GLB1L2: variants seen among roughly 807,000 people sequenced by gnomAD.
GLB1L2 encodes galactosidase beta 1 like 2, also known as beta-galactosidase-1-like protein 2.
Under a neutral mutation model 84.1 loss-of-function variants are expected in GLB1L2, and 68 were observed. The observed-to-expected ratio is 0.81, with a 90% CI of 0.67 to 0.99. The LOEUF (loss-of-function observed/expected upper bound fraction) is 0.99, where lower values mean the gene tolerates loss of function less well. Ranked by LOEUF, GLB1L2 falls within the 50% of genes least tolerant of loss-of-function variation. GLB1L2 has a pLI of 0.00. For missense variants in GLB1L2, 762 were observed against 805.6 expected, an observed-to-expected ratio of 0.95 and a Z score of 0.66; for synonymous variants, 290 against 318.0, an observed-to-expected ratio of 0.91 and a Z score of 0.94.
intron 4 of GLB1L2, chr11:134,346,578 C>G (rs1003958727): frequency 6.6e-6 from 1 of 152,360 alleles, no homozygotes; most frequent in African/African-American, 2.4e-5. Flanking sequence ...CTCTCCTCAC[C>G]CCTTGTTTGA....
intron 8 of GLB1L2, chr11:134,367,016 A>G (rs1479798959): frequency 5.4e-6 from 3 of 556,122 alleles, no homozygotes; most frequent in African/African-American, 3.8e-5. Flanking sequence ...AGGGTTTGCC[A>G]TATCGACTTT....
chr11:134,355,288 A>C (rs561595823), intron 5 of GLB1L2, among the ~76,000 whole-genome samples: 1 of 152,142 alleles, frequency 6.6e-6, no homozygotes, highest in Non-Finnish European at 1.5e-5. Context: ...CAGCTGTTAT[A>C]GATCTTGCTC....
Position 134,364,522 on chromosome 11 carries a change from GC to G in GLB1L2, c.804+130del, listed in dbSNP as rs199672296. ...CTGGACTCAGGGCTGATGGCCTCTG[GC>G]CCCCCGCCCATGCCACTGTGTGCCT... On this transcript the variant is annotated intron_variant, in intron 8 of 18. Transcript: ENST00000535456. 1.7e-3 allele frequency: 1,246 copies of G among 747,896 alleles called. 16 individuals carry two copies. The African/African-American group carries it at 0.017, about 10-fold the overall frequency. The allele number at this position is 747,896 out of a possible 1,614,324, so 46.3% of individuals were successfully genotyped here.
chr11:134,356,107 T>G, intron 5 of GLB1L2, 194 bp from the exon 6 acceptor site: 1 of 693,606 alleles, frequency 1.4e-6, no homozygotes, highest in Non-Finnish European at 2.6e-6. Context: ...TTAGTCAGTC[T>G]GGAGTTGTTT....
intron 13 of GLB1L2, 51 bp from the exon 14 acceptor site, chr11:134,371,370 C>A: frequency 7.8e-7 from 1 of 1,282,626 alleles, no homozygotes; most frequent in Non-Finnish European, 1.1e-6. Context: ...GGAGGTCCCG[C>A]TTACCCTCCT....
At chr11:134,341,639 G>T (rs1339374765) in intron 1 of GLB1L2, among the ~76,000 whole-genome samples, 1 of 152,242 alleles carries the variant, frequency 6.6e-6, no homozygotes, top group African/African-American at 2.4e-5. Context: ...GCTTCGGTGT[G>T]AGTTCTAAGG....
At chr11:134,371,858 A>G (rs376413458) in intron 15 of GLB1L2, 28 bp downstream of exon 15, 28 of 1,604,034 alleles carry the variant, frequency 1.7e-5, no homozygotes, top group Non-Finnish European at 2.2e-5. Flanking sequence ...TCAAAAGAAG[A>G]GTGGCCATGC....
At chr11:134,341,325 G>A (rs1206740700) in intron 1 of GLB1L2, among the ~76,000 whole-genome samples, 1 of 152,180 alleles carries the variant, frequency 6.6e-6, no homozygotes, top group African/African-American at 2.4e-5. Flanking sequence ...AGAGGCATTA[G>A]ACTCGTTTTA....
chr11:134,364,441 G>A (rs764607442), intron 8 of GLB1L2, 43 bp downstream of exon 8: 36 of 1,486,428 alleles, frequency 2.4e-5, no homozygotes, highest in East Asian at 6.8e-5. Context: ...CCTGCTCAGC[G>A]GCCTATGGGA....
chr11:134,345,877 C>T (rs1043240278), intron 4 of GLB1L2, among the ~76,000 whole-genome samples: 7 of 152,330 alleles, frequency 4.6e-5, no homozygotes, highest in Admixed American at 2.0e-4. Context: ...CTTCCTATCT[C>T]GGCCCACGTG....
chr11:134,361,680 T>G lies in GLB1L2; in HGVS notation c.733+2539T>G, dbSNP rs1350871649. 4 of 152,478 alleles carry G rather than the reference T, an allele frequency of 2.6e-5. No individual in the cohort carries two copies. In the East Asian group the frequency reaches 7.7e-4, roughly 29 times the overall value. The allele number at this position is 152,478 out of a possible 1,614,324, so 9.4% of individuals were successfully genotyped here. A position where few individuals can be genotyped will look rare whatever the true frequency, so the allele number is the denominator to read the frequency against. On this transcript the variant is annotated intron_variant, in intron 7 of 18. Transcript: ENST00000535456. ...TGTCGATGGTGTTCCTCAGGTCCTG[T>G]GCCTGTCCGGTTCTGCCTGGGTCTG...
In GLB1L2 at chr11:134,367,248, G is replaced by T; in HGVS notation, c.805-9G>T. Reference sequence around the variant, plus strand: ...CCTGCTTGTCTAACTCTCATTTTGTGGTGTCCAGGGGACTCAGCCCAAGAT... The same window carrying T: ...CCTGCTTGTCTAACTCTCATTTTGTTGTGTCCAGGGGACTCAGCCCAAGAT... On this transcript the variant is annotated splice_polypyrimidine_tract_variant and intron_variant, in intron 8 of 18. Coordinates refer to ENST00000535456, the MANE Select transcript of GLB1L2 (RefSeq NM_001370461.1). 6.2e-7 allele frequency: 1 copy of T among 1,612,500 alleles called. No individual in the cohort carries two copies. The highest frequency in any genetic ancestry group is 8.5e-7 in the Non-Finnish European group (1 of 1,178,618).
Position 134,375,415 on chromosome 11 carries a change from T to C in GLB1L2, c.*357T>C. The C allele has an allele frequency of 4.4e-6, 1 of 225,428 alleles. No individual in the cohort carries two copies. The highest frequency in any genetic ancestry group is 8.7e-5 in the South Asian group (1 of 11,474). 14.0% of individuals were successfully genotyped at this position (225,428 alleles called of 1,614,324 possible). ...TGGACGTCACAGCCCTGCGAGCATCTGCTGGACTCAGGCGTGCTCTTTGCT... is the reference window on the plus strand; with the variant it reads ...TGGACGTCACAGCCCTGCGAGCATCCGCTGGACTCAGGCGTGCTCTTTGCT... On this transcript the variant is annotated 3_prime_UTR_variant, in exon 19 of 19. Coordinates refer to ENST00000535456, the MANE Select transcript of GLB1L2 (RefSeq NM_001370461.1).
At chr11:134,345,205 C>T in intron 4 of GLB1L2, 76 bp downstream of exon 4, 1 of 1,263,784 alleles carries the variant, frequency 7.9e-7, no homozygotes, top group Non-Finnish European at 1.0e-6. Context: ...TTTCTGTGTT[C>T]CAGTTCCCAT....
intron 2 of GLB1L2, among the ~76,000 whole-genome samples, chr11:134,343,844 A>G (rs1943506117): frequency 6.6e-6 from 1 of 152,226 alleles, no homozygotes; most frequent in African/African-American, 2.4e-5. Context: ...TGTAGTGGGC[A>G]GAGGCTCTGC....
intron 1 of GLB1L2, among the ~76,000 whole-genome samples, chr11:134,337,919 G>A (rs752304751): frequency 2.0e-5 from 3 of 152,172 alleles, no homozygotes; most frequent in African/African-American, 4.8e-5. Flanking sequence ...GTAAGCTATC[G>A]TCTCAGATGA....
At chr11:134,349,880 T>A (rs1317873857) in intron 5 of GLB1L2, among the ~76,000 whole-genome samples, 1 of 152,232 alleles carries the variant, frequency 6.6e-6, no homozygotes, top group South Asian at 2.1e-4. Flanking sequence ...AGGCAGCAGG[T>A]TCCCTTTTGG....
intron 6 of GLB1L2, 140 bp from the exon 7 acceptor site, chr11:134,358,920 T>C: frequency 1.7e-6 from 1 of 596,452 alleles, no homozygotes; most frequent in South Asian, 2.5e-5. Flanking sequence ...CAGGAGACTT[T>C]TCTGTTTTTG....
chr11:134,348,546 T>C (rs536948793), intron 5 of GLB1L2, among the ~76,000 whole-genome samples: 1 of 152,312 alleles, frequency 6.6e-6, no homozygotes, highest in Non-Finnish European at 1.5e-5. Flanking sequence ...TAATTATTAT[T>C]ATTTAACATA....
Sources: allele counts gnomAD v4.1 joint callset (sites outside exome capture counted in the v4.1 genomes callset), GRCh38; gene constraint gnomAD v4.1.1; transcripts MANE v1.5; gene names NCBI Gene and HGNC (gene_info 2026-07-23, HGNC 2026-07-21).